Variants in TTI1 observed in about 807,000 individuals in gnomAD.
TTI1 encodes TELO2 interacting protein 1.
TTI1 carries 52 observed loss-of-function variants against 85.4 expected under a neutral mutation model. That is an observed-to-expected ratio of 0.61 (90% CI 0.49 to 0.77). TTI1 has a LOEUF of 0.77. Ranked by LOEUF, TTI1 falls within the 30% of genes least tolerant of loss-of-function variation. TTI1 has a pLI of 0.00. For missense variants in TTI1, 1,173 were observed against 1,296.0 expected (o/e 0.91, Z 1.46); for synonymous variants, 512 against 503.9 (o/e 1.02, Z -0.22).
chr20:38,017,423 TGTGTGTGTGTGTGC>T (rs2073698912), intron 1 of TTI1, among the ~76,000 whole-genome samples: 2 of 151,580 alleles, frequency 1.3e-5, no homozygotes, highest in Middle Eastern at 3.4e-3. Flanking sequence ...TGTGTGTGTG[TGTGTGTGTGTGTGC>T]GCGCGCGCCT....
chr20:38,019,571 CAGGG>C (rs1347903075), intron 1 of TTI1, among the ~76,000 whole-genome samples: 1 of 151,414 alleles, frequency 6.6e-6, no homozygotes, highest in African/African-American at 2.4e-5. Flanking sequence ...AACAAGATTA[CAGGG>C]CAGTAAAAAA....
chr20:37,987,475 C>G, intron 7 of TTI1: 4 of 384,072 alleles, frequency 1.0e-5, no homozygotes, highest in South Asian at 7.9e-5. Flanking sequence ...ATATGTACAC[C>G]ATTTAACTCC....
Position 38,012,970 on chromosome 20 carries a change from T to C in TTI1, c.847A>G (p.Thr283Ala). The change falls in exon 2 of 8, where the codon ACT becomes GCT. Residue 283 changes from threonine to alanine, a missense_variant. Transcript: ENST00000373447. ...ATAAGGATAGTCAACTTGTCGCCAG[T>C]CTTTTTTACCCAATCTGCTTCCCTG... ...VYREADWVKK[T>A]GDKLTILIKK... The C allele has an allele frequency of 1.2e-6, 2 of 1,614,142 alleles. No homozygotes were observed. The highest frequency in any genetic ancestry group is 1.1e-5 in the South Asian group (1 of 91,090).
intron 6 of TTI1, 115 bp from the exon 7 acceptor site, chr20:37,996,577 A>T: frequency 1.4e-6 from 2 of 1,412,344 alleles, no homozygotes; most frequent in Non-Finnish European, 2.0e-6. Context: ...TGGGCTCTCT[A>T]CTCCATCCCG....
At position 38,012,919 on chromosome 20, in the gene TTI1, C is replaced by A; in HGVS notation, c.898G>T (p.Val300Phe). 1 of 1,614,182 alleles carries A rather than the reference C, an allele frequency of 6.2e-7. No homozygotes were observed. The highest frequency in any genetic ancestry group is 8.5e-7 in the Non-Finnish European group (1 of 1,180,036). ...LIKKIIECVS[V>F]HPHWKVRLEL... ...AGTCTCACCTTCCAGTGTGGGTGAA[C>A]AGAAACACACTCAATTATCTTTTTA... is the stretch of plus-strand genomic sequence containing the variant. Residue 300 changes from valine (V) to phenylalanine (F), a missense_variant, in exon 2 of 8, where the codon GTT becomes TTT. Physicochemically the swap from Val to Phe is conservative, Grantham distance 50. Transcript: ENST00000373447.
chr20:37,999,468 T>A, intron 4 of TTI1, 140 bp from the exon 5 acceptor site: 1 of 928,130 alleles, frequency 1.1e-6, no homozygotes, highest in Non-Finnish European at 1.4e-6. Context: ...TGCCAAGCAC[T>A]AGCTAGGTAC....
intron 2 of TTI1, 119 bp from the exon 3 acceptor site, chr20:38,006,516 T>G: frequency 1.8e-6 from 2 of 1,093,460 alleles, no homozygotes; most frequent in Non-Finnish European, 2.6e-6. Context: ...AGTCCCTGCC[T>G]GGCTCCCCGG....
chr20:38,020,310 G>GAAA lies in TTI1; in HGVS notation c.-41-6456_-41-6454dup, dbSNP rs772839935. Among the ~76,000 whole-genome samples the GAAA allele has an allele frequency of 2.3e-3, 110 of 48,224 alleles. 5 individuals carry two copies. Among genetic ancestry groups the GAAA allele is most frequent in the African/African-American group, 5.1e-3 (48 of 9,412 alleles). 31.6% of individuals were successfully genotyped at this position (48,224 alleles called of 152,430 possible). A position where few individuals can be genotyped will look rare whatever the true frequency, so the allele number is the denominator to read the frequency against. On this transcript the variant is annotated intron_variant, in intron 1 of 7. Coordinates refer to ENST00000373447, the MANE Select transcript of TTI1 (RefSeq NM_001303457.2). ...TGCTATGTCACTTGGCTACTCATATGAAAAAAAAAAAAAATATATATATAT... is the reference window on the plus strand; with the variant it reads ...TGCTATGTCACTTGGCTACTCATATGAAAAAAAAAAAAAAAAATATATATATAT...
intron 4 of TTI1, among the ~76,000 whole-genome samples, chr20:38,000,915 C>T (rs1209262900): frequency 3.3e-5 from 5 of 152,160 alleles, no homozygotes; most frequent in Non-Finnish European, 5.9e-5. Context: ...AGGCCTTCCC[C>T]GATGACCTAG....
At chr20:38,010,467 CTTT>C (rs764386880) in intron 2 of TTI1, among the ~76,000 whole-genome samples, 1 of 104,424 alleles carries the variant, frequency 9.6e-6, no homozygotes, top group Admixed American at 1.0e-4. Context: ...TTTGCCATTC[CTTT>C]TTTTTTTTTT....
chr20:37,987,091 A>G (rs751176089), intron 7 of TTI1: 3 of 447,004 alleles, frequency 6.7e-6, no homozygotes, highest in South Asian at 4.7e-5. Flanking sequence ...AACTCTAAAC[A>G]CGACAAATTC....
intron 1 of TTI1, among the ~76,000 whole-genome samples, chr20:38,020,318 AAAAAAATATATATATATAT>A (rs2073746625): frequency 4.8e-5 from 4 of 84,172 alleles, no homozygotes; most frequent in African/African-American, 1.9e-4. Context: ...ATGAAAAAAA[AAAAAAATATATATATATAT>A]ATATATATAT....
chr20:38,020,953 A>C (rs1232241019), intron 1 of TTI1, among the ~76,000 whole-genome samples: 2 of 152,248 alleles, frequency 1.3e-5, no homozygotes, highest in African/African-American at 4.8e-5. Flanking sequence ...CTATTATTTC[A>C]AAGGTGAATA....
rs762568219 is a variant in TTI1 at position 38,012,469 on chromosome 20, G to A, written c.1348C>T (p.Arg450Cys). 27 of 1,614,036 alleles carry A rather than the reference G, an allele frequency of 1.7e-5. No homozygotes were observed. The East Asian group carries it at 1.8e-4, about 11-fold the overall frequency. The change falls in exon 2 of 8, where the codon CGT becomes TGT. Residue 450 changes from arginine to cysteine, a missense_variant. Physicochemically the swap from Arg to Cys is radical, Grantham distance 180. Transcript: ENST00000373447. ...VADIKIVEER[R>C]WNSDDLNASP... ...GCATTCAGATCATCAGAGTTCCAAC[G>A]CCGTTCCTCAACAATCTTGATGTCA... is the stretch of plus-strand genomic sequence containing the variant.
Position 37,996,869 on chromosome 20 carries a change from G to A in TTI1, c.2878C>T (p.Leu960=). The change falls in exon 6 of 8, where the codon CTA becomes TTA. Residue 960 remains leucine, a synonymous_variant. Coordinates refer to ENST00000373447, the MANE Select transcript of TTI1 (RefSeq NM_001303457.2). ...GCACTGATGGGGGCCTGGGTGACTA[G>A]GGAGCCAGCCAGCTTTGGCAGGACA... is the stretch of plus-strand genomic sequence containing the variant. ...KDVLPKLAGS[L]VTQAPISARA... 1.9e-6 allele frequency: 3 copies of A among 1,614,166 alleles called. No homozygotes were observed. Among genetic ancestry groups the A allele is most frequent in the Non-Finnish European group, 1.7e-6 (2 of 1,180,036 alleles).
At chr20:38,022,749 G>T (rs1425067689) in intron 1 of TTI1, among the ~76,000 whole-genome samples, 4 of 152,088 alleles carry the variant, frequency 2.6e-5, no homozygotes, top group Non-Finnish European at 5.9e-5. Flanking sequence ...TGGGACAGAG[G>T]GAACATGTAT....
intron 1 of TTI1, 38 bp from the exon 2 acceptor site, chr20:38,013,895 C>A: frequency 6.6e-7 from 1 of 1,522,628 alleles, no homozygotes; most frequent in South Asian, 1.3e-5. Flanking sequence ...ATGTCAAGTT[C>A]AAAGCAAGTA....
At chr20:38,030,934 CG>C (rs1258103462) in intron 1 of TTI1, among the ~76,000 whole-genome samples, 19 of 152,174 alleles carry the variant, frequency 1.2e-4, no homozygotes, top group Non-Finnish European at 7.3e-5. Context: ...TAAATGGAAG[CG>C]CTATTCTTAT....
rs60021792 is a variant in TTI1 at position 38,029,568 on chromosome 20, A to AAGAGAG, written c.-42+3830_-42+3835dup. 6.7e-3 allele frequency among the ~76,000 whole-genome samples: 1,006 copies of AAGAGAG among 149,218 alleles called. 15 individuals carry two copies. The highest frequency in any genetic ancestry group is 0.023 in the African/African-American group (933 of 40,644). The stretch of plus-strand genomic sequence containing the variant: ...AAGATTGACAAGGGAGTGAGTGAGC[A>AAGAGAG]AGAGAGAGAGAGAGAGAGAGAGGAG... On this transcript the variant is annotated intron_variant, in intron 1 of 7. Coordinates refer to ENST00000373447, the MANE Select transcript of TTI1 (RefSeq NM_001303457.2).
Sources: gnomAD v4.1 joint callset for allele counts (sites outside exome capture counted in the v4.1 genomes callset) on GRCh38, gnomAD v4.1.1 for gene constraint, MANE v1.5 for transcripts, NCBI Gene and HGNC (gene_info 2026-07-23, HGNC 2026-07-21) for gene names.